SLC44A3: variants seen among roughly 807,000 people sequenced by gnomAD.
SLC44A3 encodes solute carrier family 44 member 3.
Under a neutral mutation model 75.4 loss-of-function variants are expected in SLC44A3, and 74 were observed. The ratio of observed to expected loss-of-function variants is 0.98; its 90% CI spans 0.81 to 1.19. The LOEUF (loss-of-function observed/expected upper bound fraction) is 1.19. Among genes scored for constraint, SLC44A3 ranks in the 50% most tolerant of loss-of-function variants. The probability of loss-of-function intolerance (pLI) is 0.00; values close to 1 mark genes in which losing one functional copy is unlikely to be tolerated. For synonymous variants in SLC44A3, 310 were observed against 296.9 expected, an observed-to-expected ratio of 1.04 and a Z score of -0.45; for missense variants, 700 against 778.6, an observed-to-expected ratio of 0.90 and a Z score of 1.20.
chr1:94,887,200 C>A (rs7550014), intron 12 of SLC44A3, among the ~76,000 whole-genome samples: 1 of 151,878 alleles, frequency 6.6e-6, no homozygotes, highest in African/African-American at 2.4e-5. Context: ...CAAGGACTTA[C>A]GATGAAAATG....
At chr1:94,856,758 T>C (rs987099989) in intron 9 of SLC44A3, among the ~76,000 whole-genome samples, 20 of 152,120 alleles carry the variant, frequency 1.3e-4, no homozygotes, top group African/African-American at 4.8e-4. Flanking sequence ...GAGACTGGAA[T>C]CTTGCTCTGT....
chr1:94,876,510 AGGAAGTG>A (rs1334722543), intron 12 of SLC44A3, among the ~76,000 whole-genome samples: 1 of 152,238 alleles, frequency 6.6e-6, no homozygotes, highest in African/African-American at 2.4e-5. Flanking sequence ...TGTTGAGAGA[AGGAAGTG>A]ATGACTGGCC....
intron 3 of SLC44A3, among the ~76,000 whole-genome samples, chr1:94,826,789 GA>G (rs908198665): frequency 1.4e-4 from 22 of 152,196 alleles, no homozygotes; most frequent in South Asian, 4.2e-4. Context: ...CAACAGGAGG[GA>G]AAAAAACCTT....
chr1:94,833,443 GCCAAGGTCC>G (rs543531906), intron 5 of SLC44A3, among the ~76,000 whole-genome samples: 236 of 152,268 alleles, frequency 1.5e-3, no homozygotes, highest in Middle Eastern at 6.8e-3. Context: ...AGCTCCTTCT[GCCAAGGTCC>G]CCACAGCCTT....
chr1:94,857,089 A>G (rs1665969559), intron 9 of SLC44A3, among the ~76,000 whole-genome samples: 1 of 152,208 alleles, frequency 6.6e-6, no homozygotes, highest in South Asian at 2.1e-4. Context: ...GTATTATAGC[A>G]TATGTCAGGT....
At chr1:94,872,315 C>A (rs373289871) in intron 12 of SLC44A3, among the ~76,000 whole-genome samples, 2 of 151,984 alleles carry the variant, frequency 1.3e-5, no homozygotes, top group Non-Finnish European at 2.9e-5. Flanking sequence ...TGGCTGGTCT[C>A]GAACTCCTGA....
chr1:94,850,097 G>GC (rs1665009680), intron 9 of SLC44A3, among the ~76,000 whole-genome samples: 1 of 152,110 alleles, frequency 6.6e-6, no homozygotes, highest in Non-Finnish European at 1.5e-5. Flanking sequence ...AAAAAAATAG[G>GC]AGTGAACTTG....
chr1:94,835,516 C>T (rs1319649126), intron 5 of SLC44A3, among the ~76,000 whole-genome samples: 1 of 152,090 alleles, frequency 6.6e-6, no homozygotes, highest in Non-Finnish European at 1.5e-5. Context: ...ACAGAGGAAC[C>T]CTCCACCATC....
intron 14 of SLC44A3, among the ~76,000 whole-genome samples, chr1:94,894,506 G>A (rs1670562387): frequency 6.6e-6 from 1 of 152,158 alleles, no homozygotes; most frequent in African/African-American, 2.4e-5. Context: ...GGGCCCAACA[G>A]ACTTTGTTCC....
intron 9 of SLC44A3, among the ~76,000 whole-genome samples, chr1:94,854,834 A>G (rs1156792592): frequency 6.7e-6 from 1 of 150,280 alleles, no homozygotes; most frequent in African/African-American, 2.4e-5. Flanking sequence ...GCATCTGTGT[A>G]GAGAGGCGAG....
intron 7 of SLC44A3, 56 bp from the exon 8 acceptor site, chr1:94,841,944 G>C: frequency 2.6e-6 from 4 of 1,543,918 alleles, no homozygotes; most frequent in Non-Finnish European, 3.5e-6. Context: ...CTGTGTGCTG[G>C]GGAAAGGTTA....
intron 14 of SLC44A3, 71 bp downstream of exon 14, chr1:94,892,588 C>G: frequency 7.0e-7 from 1 of 1,434,422 alleles, no homozygotes; most frequent in African/African-American, 1.4e-5. Flanking sequence ...AAGCTGCACA[C>G]ACGAAAGAGG....
chr1:94,891,945 A>T (rs1235095893), intron 13 of SLC44A3, among the ~76,000 whole-genome samples: 1 of 152,164 alleles, frequency 6.6e-6, no homozygotes, highest in South Asian at 2.1e-4. Context: ...GATGGTTTCT[A>T]AAAAAAGTTT....
chr1:94,854,294 G>C (rs962265228), intron 9 of SLC44A3, among the ~76,000 whole-genome samples: 1 of 152,240 alleles, frequency 6.6e-6, no homozygotes, highest in South Asian at 2.1e-4. Flanking sequence ...ACTGTCCCAA[G>C]TTCATCTTGC....
intron 14 of SLC44A3, among the ~76,000 whole-genome samples, chr1:94,893,222 T>C (rs1670415202): frequency 6.6e-6 from 1 of 152,236 alleles, no homozygotes; most frequent in South Asian, 2.1e-4. Context: ...TTTTCTTTCA[T>C]TCTGTTGCCA....
intron 12 of SLC44A3, among the ~76,000 whole-genome samples, chr1:94,880,038 T>G (rs1322362960): frequency 6.6e-6 from 1 of 152,116 alleles, no homozygotes; most frequent in Admixed American, 6.6e-5. Context: ...GGTGAGGATG[T>G]GGAAAAGTTG....
intron 8 of SLC44A3, among the ~76,000 whole-genome samples, chr1:94,844,571 T>A (rs2101084520): frequency 6.6e-6 from 1 of 152,340 alleles, no homozygotes. Context: ...GATCTAATGC[T>A]ATGCTGAAGT....
At chr1:94,824,758 G>A (rs1661078533) in intron 3 of SLC44A3, 123 bp downstream of exon 3, 2 of 1,244,094 alleles carry the variant, frequency 1.6e-6, no homozygotes, top group Non-Finnish European at 2.2e-6. Flanking sequence ...TTATAAAAAG[G>A]AAGGCTGTGT....
chr1:94,867,355 C>G lies in SLC44A3; in HGVS notation c.1420C>G (p.Leu474Val). 6.2e-7 allele frequency: 1 copy of G among 1,601,084 alleles called. No homozygotes were observed. The highest frequency in any genetic ancestry group is 8.5e-7 in the Non-Finnish European group (1 of 1,172,304). The change falls in exon 12 of 15, where the codon CTG (leucine) becomes GTG (valine). Residue 474 changes from leucine to valine, a missense_variant. Coordinates refer to ENST00000271227, the MANE Select transcript of SLC44A3 (RefSeq NM_001114106.3). ...EQQHGALSRY[L>V]FRCCYCCFWC... ...GCAGCATGGTGCATTGTCCAGGTAC[C>G]TGTTCCGATGCTGCTACTGCTGTTT...
Sources: gnomAD v4.1 joint callset for allele counts (sites outside exome capture counted in the v4.1 genomes callset) on GRCh38, gnomAD v4.1.1 for gene constraint, MANE v1.5 for transcripts, NCBI Gene and HGNC (gene_info 2026-07-23, HGNC 2026-07-21) for gene names.